PTPRD: variants seen among roughly 807,000 people sequenced by gnomAD.
PTPRD encodes the protein receptor-type tyrosine-protein phosphatase delta.
Under a neutral mutation model 214.5 loss-of-function variants are expected in PTPRD, and 34 were observed. The observed-to-expected ratio is 0.16, with a 90% CI of 0.12 to 0.21. The LOEUF (loss-of-function observed/expected upper bound fraction) is 0.21, where lower values mean the gene tolerates loss of function less well. Among genes scored for constraint, PTPRD ranks in the 10% least tolerant of loss-of-function variants. The pLI, the probability that PTPRD is intolerant of heterozygous loss-of-function variation, is 1.00. For missense variants in PTPRD, 2,545 were observed against 2,398.7 expected (o/e 1.06, Z -1.27); for synonymous variants, 1,128 against 845.7 (o/e 1.33, Z -5.79).
intron 4 of PTPRD, among the ~76,000 whole-genome samples, chr9:9,949,516 G>T (rs1025088443): frequency 6.6e-6 from 1 of 151,962 alleles, no homozygotes; most frequent in East Asian, 1.9e-4. Context: ...AACAGCCCTC[G>T]TAGGGAGTTA....
At chr9:10,473,243 G>A (rs1011645304) in intron 2 of PTPRD, among the ~76,000 whole-genome samples, 3 of 151,996 alleles carry the variant, frequency 2.0e-5, no homozygotes, top group Admixed American at 1.3e-4. Flanking sequence ...TGGTTATCAT[G>A]GAGAGGTAGA....
intron 4 of PTPRD, among the ~76,000 whole-genome samples, chr9:9,981,113 G>A (rs10739207): frequency 0.74 from 113,190 of 151,964 alleles, 42,860 homozygotes; most frequent in Middle Eastern, 0.88. Flanking sequence ...TTATTTTTTA[G>A]TGGAGGAATT....
chr9:8,922,350 G>A (rs897424759), intron 11 of PTPRD, among the ~76,000 whole-genome samples: 1 of 151,786 alleles, frequency 6.6e-6, no homozygotes, highest in Non-Finnish European at 1.5e-5. Flanking sequence ...ATGAGGAATA[G>A]GCATTTTTTA....
chr9:9,581,601 T>G (rs973956468), intron 7 of PTPRD, among the ~76,000 whole-genome samples: 1 of 152,052 alleles, frequency 6.6e-6, no homozygotes, highest in Admixed American at 6.6e-5. Context: ...ATCTAAGTGA[T>G]GCAATAAAGA....
chr9:10,494,892 T>C (rs1456035727), intron 2 of PTPRD, among the ~76,000 whole-genome samples: 2 of 151,680 alleles, frequency 1.3e-5, no homozygotes, highest in African/African-American at 4.8e-5. Flanking sequence ...GTAAAAATTC[T>C]AGAAGATGCA....
chr9:8,645,631 C>T (rs978294072), intron 12 of PTPRD, among the ~76,000 whole-genome samples: 1 of 151,660 alleles, frequency 6.6e-6, no homozygotes, highest in Non-Finnish European at 1.5e-5. Flanking sequence ...CACTGACAGA[C>T]AGGAACAGAA....
At chr9:8,845,476 C>A (rs1025233011) in intron 11 of PTPRD, among the ~76,000 whole-genome samples, 1 of 152,222 alleles carries the variant, frequency 6.6e-6, no homozygotes. Flanking sequence ...AGGCAAATTT[C>A]TAACAATAGG....
chr9:8,507,798 C>T (rs762263818), intron 21 of PTPRD, among the ~76,000 whole-genome samples: 5 of 152,068 alleles, frequency 3.3e-5, no homozygotes, highest in Non-Finnish European at 5.9e-5. Flanking sequence ...ATAATAAGTA[C>T]AAAATACCTA....
intron 2 of PTPRD, among the ~76,000 whole-genome samples, chr9:10,425,501 G>T (rs1796854956): frequency 6.6e-6 from 1 of 151,928 alleles, no homozygotes; most frequent in African/African-American, 2.4e-5. Flanking sequence ...TCCAAGCACT[G>T]AGGTATGTCC....
At chr9:10,331,665 T>C (rs576281149) in intron 3 of PTPRD, among the ~76,000 whole-genome samples, 4 of 151,942 alleles carry the variant, frequency 2.6e-5, no homozygotes, top group Admixed American at 1.3e-4. Flanking sequence ...TTAGTCCAAA[T>C]TGAGTTTTTA....
chr9:8,509,067 G>A (rs1176395658), intron 21 of PTPRD, among the ~76,000 whole-genome samples: 1 of 151,984 alleles, frequency 6.6e-6, no homozygotes, highest in Non-Finnish European at 1.5e-5. Context: ...GCCTCTGGGA[G>A]CTTACCTTCT....
chr9:10,503,866 C>G (rs2044771388), intron 2 of PTPRD, among the ~76,000 whole-genome samples: 1 of 151,726 alleles, frequency 6.6e-6, no homozygotes, highest in African/African-American at 2.4e-5. Flanking sequence ...CCTGTAATCC[C>G]AGCACTTTGG....
At chr9:9,209,550 T>C (rs568285675) in intron 9 of PTPRD, among the ~76,000 whole-genome samples, 20 of 152,336 alleles carry the variant, frequency 1.3e-4, no homozygotes, top group Non-Finnish European at 2.8e-4. Context: ...ATCTTAGAGA[T>C]ATCTACTGAA....
intron 12 of PTPRD, among the ~76,000 whole-genome samples, chr9:8,676,514 C>T (rs2097422659): frequency 6.6e-6 from 1 of 151,582 alleles, no homozygotes; most frequent in African/African-American, 2.4e-5. Context: ...TCCTGAGTAG[C>T]TGGGATTACA....
Position 9,333,506 on chromosome 9 carries a change from A to T in PTPRD, c.-203+63943T>A, listed in dbSNP as rs1386724191. Reference sequence around the variant, plus strand: ...AAACATATATATTATATAGTATATTATATATATATATATATATATAAAGTC... The same window carrying T: ...AAACATATATATTATATAGTATATTTTATATATATATATATATATAAAGTC... On this transcript the variant is annotated intron_variant, in intron 9 of 45. Transcript: ENST00000381196. Among the ~76,000 whole-genome samples the T allele has an allele frequency of 1.3e-3, 52 of 39,376 alleles. 1 individual carries two copies. Among genetic ancestry groups the T allele is most frequent in the African/African-American group, 2.9e-3 (20 of 6,828 alleles). The allele number at this position is 39,376 out of a possible 152,430, so 25.8% of individuals were successfully genotyped here. A position where few individuals can be genotyped will look rare whatever the true frequency, so the allele number is the denominator to read the frequency against.
chr9:8,772,433 G>C (rs990137217), intron 11 of PTPRD, among the ~76,000 whole-genome samples: 1 of 151,844 alleles, frequency 6.6e-6, no homozygotes, highest in Non-Finnish European at 1.5e-5. Context: ...AGAACTGCTT[G>C]AGACCAAGAG....
intron 10 of PTPRD, among the ~76,000 whole-genome samples, chr9:9,032,729 C>A (rs1240002347): frequency 1.3e-5 from 2 of 152,114 alleles, no homozygotes; most frequent in Non-Finnish European, 2.9e-5. Flanking sequence ...CTGGCCCTCA[C>A]CAGGGTTTTA....
intron 5 of PTPRD, among the ~76,000 whole-genome samples, chr9:9,797,446 A>C (rs1179861888): frequency 6.6e-6 from 1 of 152,082 alleles, no homozygotes; most frequent in African/African-American, 2.4e-5. Context: ...GGTTCTGGAA[A>C]ATAAGGAAAA....
intron 3 of PTPRD, among the ~76,000 whole-genome samples, chr9:10,212,472 T>C (rs972985793): frequency 5.3e-5 from 8 of 152,158 alleles, no homozygotes; most frequent in African/African-American, 9.6e-5. Flanking sequence ...GAAATTTCAA[T>C]TGATTGCATT....
Sources: allele counts gnomAD v4.1 joint callset (sites outside exome capture counted in the v4.1 genomes callset), GRCh38; gene constraint gnomAD v4.1.1; transcripts MANE v1.5; gene names NCBI Gene and HGNC (gene_info 2026-07-23, HGNC 2026-07-21).